The following CYP39A1 variants were observed in gnomAD, a reference collection of about 807,000 sequenced individuals.
The protein encoded by CYP39A1 is cytochrome P450 family 39 subfamily A member 1.
CYP39A1 carries 49 observed loss-of-function variants against 58.1 expected under a neutral mutation model. The observed-to-expected ratio is 0.84, with a 90% confidence interval of 0.67 to 1.07. The LOEUF (loss-of-function observed/expected upper bound fraction) is 1.07, where lower values mean the gene tolerates loss of function less well. Ranked by LOEUF, CYP39A1 falls within the 50% of genes least tolerant of loss-of-function variation. The pLI is 0.00. For missense variants in CYP39A1, 531 were observed against 539.4 expected (o/e 0.98, Z 0.16); for synonymous variants, 209 against 187.6 (o/e 1.11, Z -0.93).
intron 6 of CYP39A1, among the ~76,000 whole-genome samples, chr6:46,629,433 G>A (rs1284420584): frequency 6.6e-6 from 1 of 152,064 alleles, no homozygotes; most frequent in Non-Finnish European, 1.5e-5. Context: ...TATTATTTAA[G>A]GAAAAACCAG....
chr6:46,650,145 C>T (rs1273574579), intron 1 of CYP39A1, among the ~76,000 whole-genome samples: 1 of 152,008 alleles, frequency 6.6e-6, no homozygotes, highest in African/African-American at 2.4e-5. Flanking sequence ...CACACATACA[C>T]ACATACACAC....
chr6:46,586,616 A>G, intron 10 of CYP39A1: 1 of 977,146 alleles, frequency 1.0e-6, no homozygotes, highest in Non-Finnish European at 1.2e-6. Flanking sequence ...AGGTATCAAA[A>G]GAAAGTTTTC....
intron 10 of CYP39A1, among the ~76,000 whole-genome samples, chr6:46,560,870 G>A (rs1448160223): frequency 6.6e-6 from 1 of 152,106 alleles, no homozygotes; most frequent in Non-Finnish European, 1.5e-5. Flanking sequence ...GAAAGAAGCA[G>A]GCCAAAAGGT....
chr6:46,642,870 T>C (rs1776430362), intron 1 of CYP39A1, among the ~76,000 whole-genome samples: 7 of 152,206 alleles, frequency 4.6e-5, no homozygotes, highest in Admixed American at 3.9e-4. Context: ...AGCAATCAAG[T>C]AGCGGTCTCA....
intron 1 of CYP39A1, 64 bp from the exon 2 acceptor site, chr6:46,642,362 C>T (rs1330795005): frequency 3.5e-6 from 5 of 1,444,680 alleles, no homozygotes; most frequent in African/African-American, 1.4e-5. Context: ...AGACCATTCT[C>T]CTCAAGAATC....
At position 46,553,759 on chromosome 6, in the gene CYP39A1, A is replaced by T. The variant is rs748550563; in HGVS notation, c.1338+8T>A. The T allele has an allele frequency of 3.8e-6, 6 of 1,584,762 alleles. No individual in the cohort carries two copies. The Admixed American group carries it at 6.8e-5, about 18-fold the overall frequency. ...AGTCATGATACTCAAAATTCTGAAA[A>T]CACTTACCTGTTTGGGTAATGGGTC... On this transcript the variant is annotated splice_region_variant and intron_variant, in intron 11 of 11. Transcript: ENST00000275016.
At chr6:46,557,933 CAAAAAA>C (rs1186594398) in intron 10 of CYP39A1, among the ~76,000 whole-genome samples, 2 of 37,642 alleles carry the variant, frequency 5.3e-5, no homozygotes, top group Admixed American at 3.0e-4. Context: ...GACTCCATCT[CAAAAAA>C]AAAAAAAAAA....
At chr6:46,637,308 T>C (rs1304659434) in intron 4 of CYP39A1, among the ~76,000 whole-genome samples, 2 of 152,238 alleles carry the variant, frequency 1.3e-5, no homozygotes, top group Non-Finnish European at 2.9e-5. Flanking sequence ...CCTCCCAGTC[T>C]ATGATACTTT....
At chr6:46,583,860 C>T (rs780696680) in intron 10 of CYP39A1, among the ~76,000 whole-genome samples, 3 of 152,132 alleles carry the variant, frequency 2.0e-5, no homozygotes, top group Non-Finnish European at 4.4e-5. Context: ...GTGGCTTGAA[C>T]TCCAAGAAGT....
chr6:46,646,906 A>G (rs1269328927), intron 1 of CYP39A1, among the ~76,000 whole-genome samples: 1 of 152,000 alleles, frequency 6.6e-6, no homozygotes, highest in Non-Finnish European at 1.5e-5. Flanking sequence ...TCCCTGTTTC[A>G]TTCAAACATC....
intron 11 of CYP39A1, among the ~76,000 whole-genome samples, chr6:46,553,406 T>C (rs143399619): frequency 1.3e-5 from 2 of 152,324 alleles, no homozygotes; most frequent in East Asian, 3.9e-4. Flanking sequence ...TTAAAAACAA[T>C]AGTTCACATT....
chr6:46,587,883 C>A, intron 9 of CYP39A1, 151 bp downstream of exon 9: 1 of 439,156 alleles, frequency 2.3e-6, no homozygotes. Context: ...TATTGCAAAT[C>A]TGTTCTGTAC....
At chr6:46,594,891 T>C (rs933492321) in intron 8 of CYP39A1, among the ~76,000 whole-genome samples, 3 of 151,636 alleles carry the variant, frequency 2.0e-5, no homozygotes, top group Non-Finnish European at 4.4e-5. Context: ...TGGGGGAAAA[T>C]TTTTGCAGGC....
chr6:46,601,665 C>CTATTAT (rs3085597), intron 7 of CYP39A1, among the ~76,000 whole-genome samples: 6,859 of 145,360 alleles, frequency 0.047, 208 homozygotes, highest in Middle Eastern at 0.063. Flanking sequence ...CTCAGGTTAC[C>CTATTAT]TATTATTATT....
chr6:46,564,398 A>G (rs806492), intron 10 of CYP39A1, among the ~76,000 whole-genome samples: 28,100 of 151,460 alleles, frequency 0.19, 5,191 homozygotes, highest in African/African-American at 0.47. Flanking sequence ...GTTTCACCAT[A>G]TTGGTCAGGC....
At chr6:46,618,833 C>A (rs1195193994) in intron 7 of CYP39A1, among the ~76,000 whole-genome samples, 1 of 152,038 alleles carries the variant, frequency 6.6e-6, no homozygotes, top group East Asian at 1.9e-4. Flanking sequence ...CCTCTCGGGG[C>A]AAGCTAGTTC....
intron 3 of CYP39A1, 92 bp from the exon 4 acceptor site, chr6:46,638,070 AT>A (rs1188237375): frequency 7.8e-7 from 1 of 1,282,414 alleles, no homozygotes; most frequent in African/African-American, 1.5e-5. Flanking sequence ...ATAGCAATAT[AT>A]GGGGAGCAGA....
chr6:46,560,328 G>A (rs1770908796), intron 10 of CYP39A1, among the ~76,000 whole-genome samples: 1 of 152,194 alleles, frequency 6.6e-6, no homozygotes, highest in African/African-American at 2.4e-5. Context: ...ACAATAGAAA[G>A]TGGTGACTTA....
At chr6:46,580,666 C>T (rs1772084058) in intron 10 of CYP39A1, among the ~76,000 whole-genome samples, 1 of 151,776 alleles carries the variant, frequency 6.6e-6, no homozygotes, top group Admixed American at 6.6e-5. Context: ...AAACACAACC[C>T]CATTTAAAAA....
Sources: allele counts gnomAD v4.1 joint callset (sites outside exome capture counted in the v4.1 genomes callset), GRCh38; gene constraint gnomAD v4.1.1; transcripts MANE v1.5; gene names NCBI Gene and HGNC (gene_info 2026-07-23, HGNC 2026-07-21).